The following GPC6 variants were observed in gnomAD, a reference collection of about 807,000 sequenced individuals.
The protein encoded by GPC6 is glypican 6, also known as glypican-6.
Under a neutral mutation model 55.2 loss-of-function variants are expected in GPC6, and 14 were observed. That is an observed-to-expected ratio of 0.25 (90% CI 0.17 to 0.40). The LOEUF (loss-of-function observed/expected upper bound fraction) is 0.40. Among genes scored for constraint, GPC6 ranks in the 10% least tolerant of loss-of-function variants. The pLI is 1.00. For missense variants in GPC6, 641 were observed against 708.5 expected (o/e 0.90, Z 1.08); for synonymous variants, 278 against 259.6 (o/e 1.07, Z -0.68).
At chr13:93,954,954 A>G (rs767271457) in intron 3 of GPC6, among the ~76,000 whole-genome samples, 1 of 152,050 alleles carries the variant, frequency 6.6e-6, no homozygotes, top group Non-Finnish European at 1.5e-5. Flanking sequence ...CCCCATAACA[A>G]CCACTTTATT....
At position 93,227,867 on chromosome 13, in the gene GPC6, T is replaced by C. The variant is rs1443726461; in HGVS notation, c.160+251T>C. Among the ~76,000 whole-genome samples the C allele has an allele frequency of 1.3e-5, 2 of 152,150 alleles. No individual in the cohort carries two copies. Among genetic ancestry groups the C allele is most frequent in the Non-Finnish European group, 2.9e-5 (2 of 68,026 alleles). ...CCCTGGCTCCCGCCTCCCGCTGCTC[T>C]CGCGCCCTTCTACCCCTTAGTTGAT... On this transcript the variant is annotated intron_variant, in intron 1 of 8. Transcript: ENST00000377047. The surrounding 1 kb of genome is among the most constrained non-coding windows in gnomAD (Gnocchi z 4.3).
chr13:94,365,768 A>C (rs554236667), intron 6 of GPC6, among the ~76,000 whole-genome samples: 8 of 152,296 alleles, frequency 5.3e-5, no homozygotes, highest in African/African-American at 1.9e-4. Flanking sequence ...GATAAGTAAG[A>C]TATCATGCTC....
At chr13:93,852,221 AC>A (rs1423124557) in intron 3 of GPC6, among the ~76,000 whole-genome samples, 1 of 151,796 alleles carries the variant, frequency 6.6e-6, no homozygotes. Context: ...ACAAAGGAAC[AC>A]ACATGGAAGT....
chr13:93,875,508 C>T (rs1265494249), intron 3 of GPC6, among the ~76,000 whole-genome samples: 4 of 152,052 alleles, frequency 2.6e-5, no homozygotes, highest in Non-Finnish European at 5.9e-5. Context: ...TCTACCAGCC[C>T]ACCTGCTTTA....
intron 1 of GPC6, among the ~76,000 whole-genome samples, chr13:93,391,328 T>C (rs1452861818): frequency 6.6e-6 from 1 of 152,174 alleles, no homozygotes; most frequent in African/African-American, 2.4e-5. Flanking sequence ...AGATTTTAAA[T>C]GATATAATTA....
chr13:93,847,612 T>C (rs780879673), intron 3 of GPC6, among the ~76,000 whole-genome samples: 16 of 152,174 alleles, frequency 1.1e-4, no homozygotes, highest in Non-Finnish European at 2.1e-4. Flanking sequence ...GTGCATACGG[T>C]GTTACACTAA....
At chr13:94,025,024 A>G (rs1351058977) in intron 3 of GPC6, among the ~76,000 whole-genome samples, 1 of 152,222 alleles carries the variant, frequency 6.6e-6, no homozygotes, top group Non-Finnish European at 1.5e-5. Context: ...GAAAGTTATA[A>G]AAATGAATGA....
At chr13:94,247,063 G>A (rs938151470) in intron 4 of GPC6, among the ~76,000 whole-genome samples, 2 of 151,936 alleles carry the variant, frequency 1.3e-5, no homozygotes, top group African/African-American at 4.8e-5. Flanking sequence ...TAATGTACAG[G>A]TCTTTTACCT....
At chr13:94,341,120 G>T (rs995641438) in intron 6 of GPC6, among the ~76,000 whole-genome samples, 4 of 152,176 alleles carry the variant, frequency 2.6e-5, no homozygotes, top group African/African-American at 9.6e-5. Context: ...GCTAATATTT[G>T]TTGAGTATTG....
chr13:94,262,440 A>C (rs1891681586), intron 4 of GPC6, among the ~76,000 whole-genome samples: 2 of 152,164 alleles, frequency 1.3e-5, no homozygotes, highest in Non-Finnish European at 2.9e-5. Flanking sequence ...TGGGAGGCCA[A>C]GGTAAGTGAA....
rs1892075287 is a variant in GPC6 at position 94,272,624 on chromosome 13, A to G, written c.878-13725A>G. ...GCTGGGACCACAGGCGCCCGCCACCACGCCCGGCTAATTTTTTGTATTTTT... is the reference window on the plus strand; with the variant it reads ...GCTGGGACCACAGGCGCCCGCCACCGCGCCCGGCTAATTTTTTGTATTTTT... On this transcript the variant is annotated intron_variant, in intron 4 of 8. Transcript: ENST00000377047. Among the ~76,000 whole-genome samples, 3 of 150,512 alleles carry G rather than the reference A, an allele frequency of 2.0e-5. No individual in the cohort carries two copies. The South Asian group carries it at 6.3e-4, about 32-fold the overall frequency.
chr13:94,338,896 A>G lies in GPC6; in HGVS notation c.1152+32773A>G, dbSNP rs9524445. ...AAATGGCCCTAATATCGAGCTGGTC[A>G]GCTTTCTATCTTGCCATTGCCCATA... On this transcript the variant is annotated intron_variant, in intron 6 of 8. Transcript: ENST00000377047. Among the ~76,000 whole-genome samples the G allele has an allele frequency of 2.9e-3, 434 of 152,104 alleles. 2 individuals carry two copies. The highest frequency in any genetic ancestry group is 0.018 in the South Asian group (89 of 4,820).
At chr13:93,823,492 G>T (rs1377751333) in intron 2 of GPC6, among the ~76,000 whole-genome samples, 1 of 152,068 alleles carries the variant, frequency 6.6e-6, no homozygotes, top group South Asian at 2.1e-4. Context: ...TTGCAAGTAA[G>T]TAAAGCCTGT....
chr13:94,199,420 C>A (rs906895918), intron 4 of GPC6, among the ~76,000 whole-genome samples: 9 of 152,152 alleles, frequency 5.9e-5, no homozygotes, highest in Admixed American at 4.6e-4. Flanking sequence ...GCATAACCAG[C>A]TGCTTGCACC....
chr13:94,103,703 C>G (rs183702732), intron 4 of GPC6, among the ~76,000 whole-genome samples: 265 of 152,272 alleles, frequency 1.7e-3, no homozygotes, highest in African/African-American at 6.2e-3. Context: ...AGTGTCTGTT[C>G]ATATCCTTTG....
At chr13:93,448,793 T>G (rs960449623) in intron 1 of GPC6, among the ~76,000 whole-genome samples, 5 of 152,188 alleles carry the variant, frequency 3.3e-5, no homozygotes, top group Non-Finnish European at 7.3e-5. Context: ...TTGTATAAGA[T>G]TCAATAAGGA....
intron 4 of GPC6, among the ~76,000 whole-genome samples, chr13:94,085,411 A>G (rs928092758): frequency 6.6e-6 from 1 of 151,996 alleles, no homozygotes; most frequent in Admixed American, 6.6e-5. Context: ...GCTTTTGAGC[A>G]GGAAACATCA....
rs570908478 is a variant in GPC6, at chr13:93,709,407, A to AT, written c.320-120738dup. Among the ~76,000 whole-genome samples the AT allele has an allele frequency of 4.3e-3, 643 of 150,508 alleles. 5 individuals carry two copies. The highest frequency in any genetic ancestry group is 0.014 in the African/African-American group (556 of 41,126). On this transcript the variant is annotated intron_variant, in intron 2 of 8. Coordinates refer to ENST00000377047, the MANE Select transcript of GPC6 (RefSeq NM_005708.5). ...CACCCTCTTGGTAATAACCTTACAT[A>AT]TTTTTTTTTGCTTTTAAAGTAGAAT...
chr13:94,310,712 C>G (rs1384584685), intron 6 of GPC6, among the ~76,000 whole-genome samples: 1 of 151,898 alleles, frequency 6.6e-6, no homozygotes, highest in Non-Finnish European at 1.5e-5. Flanking sequence ...CTTGTTTAGT[C>G]ATTTCCTCTC....
Sources: gnomAD v4.1 joint callset for allele counts (sites outside exome capture counted in the v4.1 genomes callset) on GRCh38, gnomAD v4.1.1 for gene constraint, Gnocchi (gnomAD v3.1) non-coding constraint, MANE v1.5 for transcripts, NCBI Gene and HGNC (gene_info 2026-07-23, HGNC 2026-07-21) for gene names.